CAPN12: variants seen among roughly 807,000 people sequenced by gnomAD.
CAPN12 encodes calpain 12, also known as calpain-12.
In CAPN12, 107 loss-of-function variants were observed where a neutral mutation model predicts 95.0. The observed-to-expected ratio is 1.13, with a 90% CI of 0.96 to 1.32. The LOEUF (loss-of-function observed/expected upper bound fraction) is 1.32, where lower values mean the gene tolerates loss of function less well. Ranked by LOEUF, CAPN12 falls within the 40% of genes most tolerant of loss-of-function variation. The pLI, the probability that CAPN12 is intolerant of heterozygous loss-of-function variation, is 0.00. For missense variants in CAPN12, 1,136 were observed against 997.8 expected, an observed-to-expected ratio of 1.14 and a Z score of -1.87; for synonymous variants, 505 against 415.5, an observed-to-expected ratio of 1.22 and a Z score of -2.62.
intron 8 of CAPN12, 24 bp from the exon 9 acceptor site, chr19:38,737,662 C>T: frequency 6.5e-7 from 1 of 1,535,594 alleles, no homozygotes; most frequent in Non-Finnish European, 8.8e-7. Context: ...CAGTCAGACC[C>T]TGCCCGGCCC....
chr19:38,738,838 C>G lies in CAPN12; in HGVS notation c.730-190G>C. 7 of 609,506 alleles carry G rather than the reference C, an allele frequency of 1.1e-5. No individual in the cohort carries two copies. In the South Asian group the frequency reaches 1.4e-4, roughly 12 times the overall value. The allele number at this position is 609,506 out of a possible 1,614,324, so 37.8% of individuals were successfully genotyped here. On this transcript the variant is annotated intron_variant, in intron 5 of 20. Transcript: ENST00000328867. ...AAAAGGAGAGGAAGGGAGATGGAAA[C>G]GAGACAAAAGGAGATGGAGGTACGG...
At chr19:38,735,157 G>A (rs1006816850) in intron 14 of CAPN12, 4 of 605,306 alleles carry the variant, frequency 6.6e-6, no homozygotes, top group South Asian at 2.1e-5. Context: ...GTGTCAGGAG[G>A]GAGAGGGTGG....
Position 38,737,649 on chromosome 19 carries a change from G to A in CAPN12, c.966-11C>T, listed in dbSNP as rs777731538. On this transcript the variant is annotated splice_polypyrimidine_tract_variant and intron_variant, in intron 8 of 20. Coordinates refer to ENST00000328867, the MANE Select transcript of CAPN12 (RefSeq NM_144691.4). ...TCCCGCAGCTCCATCCTGCACGGTG[G>A]CCCAGTCAGACCCTGCCCGGCCCCA... 18 of 1,572,686 alleles carry A rather than the reference G, an allele frequency of 1.1e-5. No homozygotes were observed. In the African/African-American group the frequency reaches 2.2e-4, roughly 19 times the overall value.
chr19:38,743,079 G>A lies in CAPN12; in HGVS notation c.261C>T (p.Phe87=). The change falls in exon 2 of 21, where the codon TTC becomes TTT. Residue 87 remains phenylalanine, a synonymous_variant. Transcript: ENST00000328867. ...RPHEFCAEPK[F]ICEDMSRTDV... Reference sequence around the variant, plus strand: ...CTGTGCGGCTCATGTCTTCACAGATGAACTTCGGCTCAGCACAGAACTCCT... The same window carrying A: ...CTGTGCGGCTCATGTCTTCACAGATAAACTTCGGCTCAGCACAGAACTCCT... The A allele has an allele frequency of 6.2e-7, 1 of 1,614,044 alleles. No individual in the cohort carries two copies. Among genetic ancestry groups the A allele is most frequent in the Non-Finnish European group, 8.5e-7 (1 of 1,179,978 alleles).
At chr19:38,736,911 T>G in intron 10 of CAPN12, 3 of 135,798 alleles carry the variant, frequency 2.2e-5, no homozygotes, top group East Asian at 1.1e-4. Context: ...CCCCCAGCCC[T>G]ACTAGCCCCC....
At chr19:38,734,015 ATC>A (rs1178424140) in intron 17 of CAPN12, 125 bp downstream of exon 17, 1 of 1,050,608 alleles carries the variant, frequency 9.5e-7, no homozygotes. Flanking sequence ...TCCCAGCCAG[ATC>A]TCTCCAAGTC....
Position 38,740,190 on chromosome 19 carries a change from C to T in CAPN12, c.590G>A (p.Gly197Asp). 2 of 1,610,846 alleles carry T rather than the reference C, an allele frequency of 1.2e-6. No homozygotes were observed. The highest frequency in any genetic ancestry group is 1.7e-6 in the Non-Finnish European group (2 of 1,178,594). ...KLHGSYEVMRGGHMNEAFVDF... is the reference protein window; with the variant it reads ...KLHGSYEVMRDGHMNEAFVDF... ...CACAAAAGCCTCATTCATGTGGCCG[C>T]CCCGCATCACCTCATAGGAGCCGTG... Residue 197 changes from glycine to aspartate, a missense_variant, in exon 5 of 21, where the codon GGC (glycine) becomes GAC (aspartate). By Grantham distance (94) the Gly-to-Asp change is moderately conservative. Coordinates refer to ENST00000328867, the MANE Select transcript of CAPN12 (RefSeq NM_144691.4).
intron 4 of CAPN12, 152 bp downstream of exon 4, chr19:38,741,625 T>A: frequency 1.2e-6 from 1 of 810,042 alleles, no homozygotes; most frequent in South Asian, 2.1e-5. Context: ...GGTGATGTTG[T>A]GATATGAGGG....
intron 2 of CAPN12, among the ~76,000 whole-genome samples, chr19:38,742,832 C>T (rs1163843109): frequency 9.0e-6 from 1 of 110,916 alleles, no homozygotes; most frequent in Non-Finnish European, 1.7e-5. Context: ...GAATGGGTGA[C>T]AGAGTGAGAC....
chr19:38,739,484 TAGAGAGAC>T (rs1970421579), intron 5 of CAPN12: 1 of 111,514 alleles, frequency 9.0e-6, no homozygotes, highest in African/African-American at 3.5e-5. Context: ...ATGGAAAGAG[TAGAGAGAC>T]AGAGACAGAG....
At position 38,730,363 on chromosome 19, in the gene CAPN12, AC is replaced by A. The variant is rs1969484964; in HGVS notation, c.*488del. The A allele has an allele frequency of 5.7e-6, 1 of 176,100 alleles. No individual in the cohort carries two copies. Among genetic ancestry groups the A allele is most frequent in the Non-Finnish European group, 1.2e-5 (1 of 82,380 alleles). The allele number at this position is 176,100 out of a possible 1,614,324, so 10.9% of individuals were successfully genotyped here. Reference sequence around the variant, plus strand: ...CTGCGTCGGGCGTGGGTCTCTGGGGACCCTCCAGAGGTGGAGGTGGGCTGAT... The same window carrying A: ...CTGCGTCGGGCGTGGGTCTCTGGGGACCTCCAGAGGTGGAGGTGGGCTGAT... On this transcript the variant is annotated 3_prime_UTR_variant, in exon 21 of 21. Transcript: ENST00000328867.
At chr19:38,742,023 A>G (rs575087259) in intron 3 of CAPN12, 113 bp from the exon 4 acceptor site, 9 of 1,460,044 alleles carry the variant, frequency 6.2e-6, no homozygotes, top group Non-Finnish European at 8.3e-6. Flanking sequence ...AGTCAACGTT[A>G]ACTATGAAAT....
chr19:38,736,027 GGTCT>G (rs1568779474), intron 12 of CAPN12, 79 bp downstream of exon 12: 3 of 633,748 alleles, frequency 4.7e-6, no homozygotes, highest in Non-Finnish European at 6.6e-6. Flanking sequence ...GGGTCTCGGG[GGTCT>G]CGGGGGTCTC....
At chr19:38,743,210 A>C (rs1970664001) in intron 1 of CAPN12, 108 bp from the exon 2 acceptor site, 1 of 1,301,208 alleles carries the variant, frequency 7.7e-7, no homozygotes, top group African/African-American at 1.5e-5. Context: ...GCCTGTGGGC[A>C]GGAGCATGGC....
chr19:38,736,497 G>GC, intron 11 of CAPN12, 55 bp downstream of exon 11: 1 of 1,532,174 alleles, frequency 6.5e-7, no homozygotes, highest in Non-Finnish European at 8.8e-7. Context: ...GGTTGACCAA[G>GC]CCCCAGGGCA....
chr19:38,741,369 T>C (rs1970533876), intron 4 of CAPN12, among the ~76,000 whole-genome samples: 2 of 151,984 alleles, frequency 1.3e-5, no homozygotes, highest in African/African-American at 4.8e-5. Context: ...GATCAGGAGT[T>C]GGAGACCAGC....
rs376115746 is a variant in CAPN12 at position 38,741,760 on chromosome 19, G to A, written c.560+17C>T. The A allele has an allele frequency of 2.2e-5, 36 of 1,613,170 alleles. No individual in the cohort carries two copies. The highest frequency in any genetic ancestry group is 3.1e-5 in the Non-Finnish European group (36 of 1,179,638). On this transcript the variant is annotated intron_variant, in intron 4 of 20. Transcript: ENST00000328867. ...TGGGGACTTAGGGCTGCAGCTGGTT[G>A]GAACTGGGGTCCTCACTTGGCGTAG...
In CAPN12 at chr19:38,736,598, G is replaced by A. The variant is rs556016705; in HGVS notation, c.1363-35C>T. The A allele has an allele frequency of 9.4e-6, 15 of 1,590,792 alleles. No homozygotes were observed. In the East Asian group the frequency reaches 2.7e-4, roughly 29 times the overall value. On this transcript the variant is annotated intron_variant, in intron 10 of 20. Transcript: ENST00000328867. ...GCAAGAGCAAGGGGCGTCGGGGCAG[G>A]GGAGAGGTGGCCGCCGCTCAGGGTC...
intron 4 of CAPN12, among the ~76,000 whole-genome samples, chr19:38,740,977 T>C (rs1458510024): frequency 6.6e-6 from 1 of 151,974 alleles, no homozygotes; most frequent in East Asian, 1.9e-4. Context: ...GAACCTCTGG[T>C]AGATGTCCGC....
Sources: gnomAD v4.1 joint callset for allele counts (sites outside exome capture counted in the v4.1 genomes callset) on GRCh38, gnomAD v4.1.1 for gene constraint, MANE v1.5 for transcripts, NCBI Gene and HGNC (gene_info 2026-07-23, HGNC 2026-07-21) for gene names.